The following RANBP2 variants were observed in gnomAD, a reference collection of about 807,000 sequenced individuals.
RANBP2 encodes E3 SUMO-protein ligase RanBP2.
Under a neutral mutation model 303.6 loss-of-function variants are expected in RANBP2, and 57 were observed. That is an observed-to-expected ratio of 0.19 (90% CI 0.15 to 0.23). The LOEUF (loss-of-function observed/expected upper bound fraction) is 0.23. Among genes scored for constraint, RANBP2 ranks in the 10% least tolerant of loss-of-function variants. The pLI is 1.00. For missense variants in RANBP2, 3,138 were observed against 3,780.8 expected, an observed-to-expected ratio of 0.83 and a Z score of 4.46; for synonymous variants, 1,167 against 1,301.5, an observed-to-expected ratio of 0.90 and a Z score of 2.23.
the RANBP2 span, among the ~76,000 whole-genome samples, chr2:109,331,359 C>G: frequency 6.6e-6 from 1 of 151,844 alleles, no homozygotes; most frequent in Non-Finnish European, 1.5e-5. Context: ...CTGCCTCCCT[C>G]CTCTCCCCTT....
At chr2:108,990,235 T>C in the RANBP2 span, among the ~76,000 whole-genome samples, 1 of 151,156 alleles carries the variant, frequency 6.6e-6, no homozygotes, top group South Asian at 2.1e-4. Flanking sequence ...ATCGAGACCA[T>C]CCTGGCTAAC....
At chr2:108,800,041 T>C in the RANBP2 span, among the ~76,000 whole-genome samples, 2 of 152,214 alleles carry the variant, frequency 1.3e-5, no homozygotes, top group Non-Finnish European at 2.9e-5. Context: ...TGGAGCATAG[T>C]TTAAAAACTA....
the RANBP2 span, among the ~76,000 whole-genome samples, chr2:109,232,714 A>G: frequency 6.6e-6 from 1 of 152,196 alleles, no homozygotes; most frequent in African/African-American, 2.4e-5. Context: ...AGGAAGCATC[A>G]TGGTGATGGA....
At chr2:109,121,428 G>GA in the RANBP2 span, among the ~76,000 whole-genome samples, 1 of 152,140 alleles carries the variant, frequency 6.6e-6, no homozygotes, top group Non-Finnish European at 1.5e-5. Flanking sequence ...CAATTACCTA[G>GA]AAAAAATACC....
the RANBP2 span, among the ~76,000 whole-genome samples, chr2:109,005,482 G>A: frequency 2.6e-5 from 4 of 152,034 alleles, no homozygotes; most frequent in East Asian, 1.9e-4. Context: ...CTTCTGCCTG[G>A]TATGCCATCT....
chr2:109,607,119 TTGAG>T, the RANBP2 span, among the ~76,000 whole-genome samples: 1 of 152,248 alleles, frequency 6.6e-6, no homozygotes, highest in African/African-American at 2.4e-5. Flanking sequence ...TAGCTCAATA[TTGAG>T]CTTTTTGTAA....
chr2:109,155,995 G>T, the RANBP2 span, among the ~76,000 whole-genome samples: 1 of 152,204 alleles, frequency 6.6e-6, no homozygotes, highest in East Asian at 1.9e-4. Context: ...GATTCTCTGG[G>T]GCCCCAGAGC....
chr2:109,672,840 G>A, the RANBP2 span, among the ~76,000 whole-genome samples: 1 of 152,142 alleles, frequency 6.6e-6, no homozygotes. Flanking sequence ...TTTTTGTCCA[G>A]AGTAGATTGG....
chr2:109,147,595 T>A, the RANBP2 span, among the ~76,000 whole-genome samples: 103,781 of 151,494 alleles, frequency 0.69, 36,435 homozygotes, highest in Non-Finnish European at 0.72. Context: ...TTCAGGAGGG[T>A]TATATCAAGG....
the RANBP2 span, among the ~76,000 whole-genome samples, chr2:109,524,252 G>C: frequency 1.3e-5 from 2 of 152,118 alleles, no homozygotes; most frequent in African/African-American, 4.8e-5. Flanking sequence ...CTGGGGCTCA[G>C]AGGGCAGTTC....
At chr2:108,970,593 C>T in the RANBP2 span, among the ~76,000 whole-genome samples, 1 of 149,818 alleles carries the variant, frequency 6.7e-6, no homozygotes, top group Non-Finnish European at 1.5e-5. Flanking sequence ...CAGAGAATAA[C>T]CAGGGTGGGG....
the RANBP2 span, among the ~76,000 whole-genome samples, chr2:109,717,271 C>CAA: frequency 2.5e-4 from 20 of 80,826 alleles, no homozygotes; most frequent in Admixed American, 3.4e-4. Flanking sequence ...TAAAAACAAA[C>CAA]CAAAAAAAAA....
chr2:108,805,036 C>G, the RANBP2 span: 85 of 1,216,182 alleles, frequency 7.0e-5, 1 homozygote, highest in Admixed American at 4.9e-4. Context: ...ATATACTGAA[C>G]ATAAGACATT....
the RANBP2 span, among the ~76,000 whole-genome samples, chr2:109,282,581 A>C: frequency 1.3e-5 from 2 of 152,206 alleles, no homozygotes; most frequent in Admixed American, 6.5e-5. Flanking sequence ...AACACTGGCC[A>C]GGAGAACGGC....
the RANBP2 span, among the ~76,000 whole-genome samples, chr2:108,932,839 C>G: frequency 6.6e-6 from 1 of 152,142 alleles, no homozygotes; most frequent in Admixed American, 6.5e-5. Context: ...TCTTCCCATC[C>G]GAGGCAGACA....
At chr2:109,639,201 C>T in the RANBP2 span, among the ~76,000 whole-genome samples, 8 of 152,100 alleles carry the variant, frequency 5.3e-5, no homozygotes, top group Non-Finnish European at 8.8e-5. Flanking sequence ...TAGCATTAGG[C>T]CAAATCTACA....
At chr2:108,978,958 C>G in the RANBP2 span, among the ~76,000 whole-genome samples, 9 of 152,288 alleles carry the variant, frequency 5.9e-5, no homozygotes, top group African/African-American at 1.9e-4. Context: ...ACCATTAACC[C>G]GGGAAAGTTC....
the RANBP2 span, among the ~76,000 whole-genome samples, chr2:109,646,646 C>A: frequency 1.3e-5 from 2 of 151,016 alleles, no homozygotes; most frequent in Non-Finnish European, 2.9e-5. Flanking sequence ...CGACTGCCAC[C>A]ATGACTGGCT....
chr2:108,962,858 A>T, the RANBP2 span, among the ~76,000 whole-genome samples: 8 of 152,034 alleles, frequency 5.3e-5, no homozygotes, highest in Admixed American at 5.2e-4. Context: ...AAATCCAAAG[A>T]TCCTCACTCT....
Sources: allele counts gnomAD v4.1 joint callset (sites outside exome capture counted in the v4.1 genomes callset), GRCh38; gene constraint gnomAD v4.1.1; transcripts MANE v1.5; gene names NCBI Gene and HGNC (gene_info 2026-07-23, HGNC 2026-07-21).